The following KCNIP4 variants were observed in gnomAD, a reference collection of about 807,000 sequenced individuals.
KCNIP4 encodes the protein Kv channel-interacting protein 4.
Under a neutral mutation model 34.0 loss-of-function variants are expected in KCNIP4, and 12 were observed. The ratio of observed to expected loss-of-function variants is 0.35; its 90% CI spans 0.23 to 0.57. KCNIP4 has a LOEUF of 0.57. KCNIP4 is among the 20% of genes least tolerant of loss of function. The pLI, the probability that KCNIP4 is intolerant of heterozygous loss-of-function variation, is 0.83. For synonymous variants in KCNIP4, 124 were observed against 102.2 expected (o/e 1.21, Z -1.29); for missense variants, 238 against 311.7 (o/e 0.76, Z 1.78).
chr4:21,148,537 C>T (rs1263710844), intron 1 of KCNIP4, among the ~76,000 whole-genome samples: 1 of 151,990 alleles, frequency 6.6e-6, no homozygotes, highest in Non-Finnish European at 1.5e-5. Context: ...TTACCAAATG[C>T]TAATTATTTT....
rs527947964 is a variant in KCNIP4, at chr4:21,650,380, G to A, written c.61+298191C>T. ...GTGTTAGAAGGTATGTAATATGGGA[G>A]GACACTGGTAAAATCTTTCTAGTAC... On this transcript the variant is annotated intron_variant, in intron 1 of 8. Transcript: ENST00000382152. Among the ~76,000 whole-genome samples the A allele has an allele frequency of 3.9e-5, 6 of 152,190 alleles. No individual in the cohort carries two copies. The South Asian group carries it at 8.3e-4, about 21-fold the overall frequency.
Position 21,291,939 on chromosome 4 carries a change from A to AAAG in KCNIP4, c.62-409231_62-409230insCTT, listed in dbSNP as rs1560260269. 5.3e-5 allele frequency among the ~76,000 whole-genome samples: 5 copies of AAAG among 95,086 alleles called. 1 individual carries two copies. In the East Asian group the frequency reaches 7.9e-4, roughly 15 times the overall value. 62.4% of individuals were successfully genotyped at this position (95,086 alleles called of 152,430 possible). On this transcript the variant is annotated intron_variant, in intron 1 of 8. Coordinates refer to ENST00000382152, the MANE Select transcript of KCNIP4 (RefSeq NM_025221.6). The stretch of plus-strand genomic sequence containing the variant: ...AGAAAGAAAGAAAGAAAGAAAGAAA[A>AAAG]AAAAAGAAAAAAGTCTGATGAATAA...
chr4:20,815,505 T>G (rs1239342972), intron 3 of KCNIP4, among the ~76,000 whole-genome samples: 1 of 152,172 alleles, frequency 6.6e-6, no homozygotes, highest in African/African-American at 2.4e-5. Context: ...TAAAATGATG[T>G]TAAGAATCCT....
At chr4:20,938,655 C>T (rs1031924773) in intron 1 of KCNIP4, among the ~76,000 whole-genome samples, 2 of 152,198 alleles carry the variant, frequency 1.3e-5, no homozygotes, top group African/African-American at 4.8e-5. Context: ...ACAAACTTCT[C>T]CAATGCCTCC....
At chr4:21,045,575 T>C (rs1356875324) in intron 1 of KCNIP4, among the ~76,000 whole-genome samples, 2 of 152,182 alleles carry the variant, frequency 1.3e-5, no homozygotes, top group Non-Finnish European at 2.9e-5. Context: ...ACTCTCTTGG[T>C]TTTCTATGCT....
At chr4:21,892,944 T>A (rs368544505) in intron 1 of KCNIP4, among the ~76,000 whole-genome samples, 6 of 152,162 alleles carry the variant, frequency 3.9e-5, no homozygotes, top group Non-Finnish European at 5.9e-5. Context: ...CTTTGGGCCA[T>A]TGATTTAGAA....
At chr4:20,946,292 C>A (rs1464205473) in intron 1 of KCNIP4, among the ~76,000 whole-genome samples, 7 of 152,126 alleles carry the variant, frequency 4.6e-5, no homozygotes, top group African/African-American at 1.2e-4. Context: ...TCAAATGAAA[C>A]CTTAAGGAGA....
chr4:21,103,792 T>A (rs1193067859), intron 1 of KCNIP4, among the ~76,000 whole-genome samples: 2 of 137,778 alleles, frequency 1.5e-5, no homozygotes, highest in East Asian at 4.8e-4. Context: ...TGTCCATGTG[T>A]TCTCATTGTT....
intron 1 of KCNIP4, among the ~76,000 whole-genome samples, chr4:21,836,940 CAG>C (rs1723361764): frequency 1.1e-5 from 1 of 93,314 alleles, no homozygotes; most frequent in East Asian, 2.5e-4. Context: ...TTTTTTGAGA[CAG>C]AGTCTGGCTC....
At chr4:21,253,956 A>G (rs1760891149) in intron 1 of KCNIP4, among the ~76,000 whole-genome samples, 1 of 152,258 alleles carries the variant, frequency 6.6e-6, no homozygotes, top group African/African-American at 2.4e-5. Context: ...AAAAGGTCAC[A>G]GGTTGTGCAA....
At chr4:20,943,506 T>C (rs1165742410) in intron 1 of KCNIP4, among the ~76,000 whole-genome samples, 1 of 152,234 alleles carries the variant, frequency 6.6e-6, no homozygotes, top group African/African-American at 2.4e-5. Context: ...ATGCTCATTA[T>C]ATTGCTGAAT....
chr4:20,910,605 C>T (rs778372410), intron 1 of KCNIP4, among the ~76,000 whole-genome samples: 8 of 152,152 alleles, frequency 5.3e-5, no homozygotes, highest in African/African-American at 1.4e-4. Context: ...TTTTCCCTTT[C>T]GTAAATTCTA....
chr4:21,514,893 A>C (rs1734632854), intron 1 of KCNIP4, among the ~76,000 whole-genome samples: 1 of 152,218 alleles, frequency 6.6e-6, no homozygotes, highest in Admixed American at 6.5e-5. Context: ...CTGCAAGAAG[A>C]CATTTCATTA....
chr4:21,820,721 A>T (rs571557552), intron 1 of KCNIP4, among the ~76,000 whole-genome samples: 91 of 152,194 alleles, frequency 6.0e-4, no homozygotes, highest in Middle Eastern at 6.8e-3. Flanking sequence ...TCATAATTAC[A>T]TTTCTCTAAG....
At chr4:21,234,424 T>C in intron 1 of KCNIP4, among the ~76,000 whole-genome samples, 2 of 130,972 alleles carry the variant, frequency 1.5e-5, no homozygotes, top group African/African-American at 6.0e-5. Flanking sequence ...ATACTATATA[T>C]ATTACATATA....
chr4:21,888,732 G>T (rs1726927098), intron 1 of KCNIP4, among the ~76,000 whole-genome samples: 1 of 152,006 alleles, frequency 6.6e-6, no homozygotes. Context: ...TTCTGCTCCT[G>T]CTCAGAGCTG....
intron 1 of KCNIP4, among the ~76,000 whole-genome samples, chr4:21,873,297 A>G (rs907826965): frequency 1.3e-5 from 2 of 152,200 alleles, no homozygotes; most frequent in Admixed American, 6.5e-5. Context: ...CCTAAATGAT[A>G]CAATGCATTA....
intron 1 of KCNIP4, among the ~76,000 whole-genome samples, chr4:21,799,557 T>A (rs914504732): frequency 6.6e-6 from 1 of 152,186 alleles, no homozygotes; most frequent in East Asian, 1.9e-4. Context: ...TATTAATATA[T>A]ATTCACTTTC....
chr4:21,238,362 G>A (rs1290825871), intron 1 of KCNIP4, among the ~76,000 whole-genome samples: 1 of 152,120 alleles, frequency 6.6e-6, no homozygotes, highest in Non-Finnish European at 1.5e-5. Flanking sequence ...TCAACATAAT[G>A]TTGGAAGTGC....
Sources: allele counts gnomAD v4.1 joint callset (sites outside exome capture counted in the v4.1 genomes callset), GRCh38; gene constraint gnomAD v4.1.1; transcripts MANE v1.5; gene names NCBI Gene and HGNC (gene_info 2026-07-23, HGNC 2026-07-21).